Variants in RNF19B observed in about 807,000 individuals in gnomAD.
RNF19B encodes ring finger protein 19B.
A neutral mutation model predicts 65.5 loss-of-function variants in RNF19B; 23 were observed. That is an observed-to-expected ratio of 0.35 (90% CI 0.25 to 0.50). The LOEUF is 0.50. RNF19B is among the 20% of genes least tolerant of loss of function. RNF19B has a pLI of 0.98. For missense variants in RNF19B, 794 were observed against 980.0 expected (o/e 0.81, Z 2.53); for synonymous variants, 372 against 379.6 (o/e 0.98, Z 0.23).
At chr1:32,956,479 G>A (rs938250995) in intron 1 of RNF19B, among the ~76,000 whole-genome samples, 1 of 151,498 alleles carries the variant, frequency 6.6e-6, no homozygotes, top group Non-Finnish European at 1.5e-5. Context: ...GAGGTGGGAG[G>A]ATCACCTGAG....
chr1:32,944,301 A>T, intron 5 of RNF19B, 142 bp from the exon 6 acceptor site: 1 of 833,234 alleles, frequency 1.2e-6, no homozygotes, highest in Non-Finnish European at 1.9e-6. Context: ...GGCCTGGTGT[A>T]ACAGAATGAT....
In RNF19B at chr1:32,936,640, TG is replaced by T; in HGVS notation, c.*165del. On this transcript the variant is annotated 3_prime_UTR_variant, in exon 9 of 9. Coordinates refer to ENST00000235150, the MANE Select transcript of RNF19B (RefSeq NM_001300826.2). ...AACGGCAAACTTTTCATGTTTTATC[TG>T]GTAAGAAATTGTGAATTTCTCAGAA... 1.4e-6 allele frequency: 1 copy of T among 690,934 alleles called. No homozygotes were observed. The highest frequency in any genetic ancestry group is 2.2e-6 in the Non-Finnish European group (1 of 448,586). The allele number at this position is 690,934 out of a possible 1,614,324, so 42.8% of individuals were successfully genotyped here. A position where few individuals can be genotyped will look rare whatever the true frequency, so the allele number is the denominator to read the frequency against.
In RNF19B at chr1:32,944,166, G is replaced by C. The variant is rs770585952; in HGVS notation, c.1262-7C>G. The C allele has an allele frequency of 1.2e-6, 2 of 1,606,832 alleles. No individual in the cohort carries two copies. The highest frequency in any genetic ancestry group is 1.7e-5 in the Admixed American group (1 of 58,392). On this transcript the variant is annotated splice_region_variant and splice_polypyrimidine_tract_variant and intron_variant, in intron 5 of 8. Transcript: ENST00000235150. ...ATAATGGGGACACCAATACCTGGGGGAAGAGAAGGAAACATGTCAGCTGGC... is the reference window on the plus strand; with the variant it reads ...ATAATGGGGACACCAATACCTGGGGCAAGAGAAGGAAACATGTCAGCTGGC...
intron 7 of RNF19B, among the ~76,000 whole-genome samples, chr1:32,940,690 A>G (rs1169876350): frequency 6.6e-6 from 1 of 152,106 alleles, no homozygotes; most frequent in Non-Finnish European, 1.5e-5. Flanking sequence ...CTACCTTCCT[A>G]TCCTGCTTTG....
intron 7 of RNF19B, among the ~76,000 whole-genome samples, chr1:32,940,066 C>T (rs1281991804): frequency 3.3e-5 from 5 of 152,210 alleles, no homozygotes; most frequent in Non-Finnish European, 7.3e-5. Context: ...GCTCCAGCTT[C>T]AGGTGCCCTT....
chr1:32,957,195 T>C (rs1226140354), intron 1 of RNF19B, among the ~76,000 whole-genome samples: 2 of 152,162 alleles, frequency 1.3e-5, no homozygotes, highest in Non-Finnish European at 2.9e-5. Context: ...TTCCCAGGTA[T>C]GGGGTCTTGC....
At position 32,942,868 on chromosome 1, in the gene RNF19B, C is replaced by T. The variant is rs193124088; in HGVS notation, c.1403-409G>A. ...GAAAGCTAGAAAAACCGGCCGGGCG[C>T]GGTGGCTCACGCCTGTACTTCCAGC... is the stretch of plus-strand genomic sequence containing the variant. On this transcript the variant is annotated intron_variant, in intron 6 of 8. Transcript: ENST00000235150. Among the ~76,000 whole-genome samples the T allele has an allele frequency of 3.4e-3, 512 of 152,106 alleles. 3 individuals are homozygous for T. Among genetic ancestry groups the T allele is most frequent in the African/African-American group, 0.011 (466 of 41,480 alleles).
intron 3 of RNF19B, 74 bp from the exon 4 acceptor site, chr1:32,946,638 G>C: frequency 7.7e-7 from 1 of 1,296,920 alleles, no homozygotes; most frequent in Non-Finnish European, 1.1e-6. Context: ...CTTGATAACA[G>C]CAACAGCCTT....
chr1:32,957,528 T>C (rs1036722813), intron 1 of RNF19B, among the ~76,000 whole-genome samples: 2 of 152,208 alleles, frequency 1.3e-5, no homozygotes, highest in African/African-American at 4.8e-5. Context: ...TTCAACAGTG[T>C]ATCATTCTGA....
At chr1:32,941,518 C>T (rs536846460) in intron 7 of RNF19B, among the ~76,000 whole-genome samples, 6 of 151,930 alleles carry the variant, frequency 3.9e-5, no homozygotes, top group Admixed American at 6.6e-5. Flanking sequence ...CCAGCCTGGG[C>T]GACAGAGCAA....
chr1:32,962,074 C>A (rs779491542), intron 1 of RNF19B, among the ~76,000 whole-genome samples: 2 of 151,974 alleles, frequency 1.3e-5, no homozygotes, highest in South Asian at 2.1e-4. Context: ...CAGGTTCAAG[C>A]GATTCTGCCT....
Position 32,951,484 on chromosome 1 carries a change from A to T in RNF19B, c.636-1710T>A, listed in dbSNP as rs75750899. On this transcript the variant is annotated intron_variant, in intron 1 of 8. Transcript: ENST00000235150. ...ACAGGAGCAGTTGGGGTCCATTTCG[A>T]GCAAAGGAGATGCTGGAGCTCCCAC... is the stretch of plus-strand genomic sequence containing the variant. Among the ~76,000 whole-genome samples the T allele has an allele frequency of 3.3e-3, 498 of 152,294 alleles. 12 individuals are homozygous for T. In the East Asian group the frequency reaches 0.078, roughly 24 times the overall value.
In RNF19B at chr1:32,942,240, CTA is replaced by C; in HGVS notation, c.1610+10_1610+11del. Reference sequence around the variant, plus strand: ...TCTAACCATTTCTGTCAGAAATTATCTATTTGTTTACCTGCTATATTTTCCCT... The same window carrying C: ...TCTAACCATTTCTGTCAGAAATTATCTTTGTTTACCTGCTATATTTTCCCT... On this transcript the variant is annotated intron_variant, in intron 7 of 8. Coordinates refer to ENST00000235150, the MANE Select transcript of RNF19B (RefSeq NM_001300826.2). 6.3e-7 allele frequency: 1 copy of C among 1,590,784 alleles called. No individual in the cohort carries two copies. The highest frequency in any genetic ancestry group is 8.6e-7 in the Non-Finnish European group (1 of 1,161,222).
downstream of RNF19B, among the ~76,000 whole-genome samples, chr1:32,933,551 G>C (rs908817825): frequency 6.6e-6 from 1 of 152,092 alleles, no homozygotes; most frequent in Non-Finnish European, 1.5e-5. Context: ...CACCACGCCC[G>C]GCCAAGCTAT....
intron 1 of RNF19B, among the ~76,000 whole-genome samples, chr1:32,956,848 A>G (rs192498553): frequency 5.9e-5 from 9 of 152,182 alleles, no homozygotes; most frequent in African/African-American, 2.2e-4. Flanking sequence ...GTCATGTAAC[A>G]TAACTAGGCT....
At chr1:32,949,195 T>A (rs1344313865) in intron 2 of RNF19B, among the ~76,000 whole-genome samples, 1 of 152,222 alleles carries the variant, frequency 6.6e-6, no homozygotes, top group South Asian at 2.1e-4. Context: ...GTGAGGCACT[T>A]AAGTCAGCTT....
Position 32,945,637 on chromosome 1 carries a change from A to C in RNF19B, c.1147-9T>G, listed in dbSNP as rs1432554631. The C allele has an allele frequency of 6.5e-7, 1 of 1,546,150 alleles. No individual in the cohort carries two copies. Among genetic ancestry groups the C allele is most frequent in the South Asian group, 1.1e-5 (1 of 89,430 alleles). ...TCATACCTGCTGTGAATCTAAGAAT[A>C]AAAAAAGAAAATCCAGGTCAGCAGG... is the stretch of plus-strand genomic sequence containing the variant. On this transcript the variant is annotated splice_polypyrimidine_tract_variant and intron_variant, in intron 4 of 8. Transcript: ENST00000235150.
At chr1:32,940,170 T>G (rs1642199689) in intron 7 of RNF19B, among the ~76,000 whole-genome samples, 1 of 152,218 alleles carries the variant, frequency 6.6e-6, no homozygotes, top group Non-Finnish European at 1.5e-5. Context: ...TGCCACAGAA[T>G]CACTCTGAGT....
rs140794854 is a variant in RNF19B at position 32,937,127 on chromosome 1, A to G, written c.1875T>C (p.Ser625=). 6.2e-7 allele frequency: 1 copy of G among 1,614,174 alleles called. No individual in the cohort carries two copies. Among genetic ancestry groups the G allele is most frequent in the Non-Finnish European group, 8.5e-7 (1 of 1,180,030 alleles). The change falls in exon 9 of 9, where the codon AGT becomes AGC. Residue 625 remains serine, a synonymous_variant. Coordinates refer to ENST00000235150, the MANE Select transcript of RNF19B (RefSeq NM_001300826.2). The part of the protein sequence containing the change: ...AQMAENEEEG[S]GGGGSEEDPP... ...GATCCTCTTCACTGCCTCCGCCACCACTACCTTCTTCTTCATTCTCTGCCA... is the reference window on the plus strand; with the variant it reads ...GATCCTCTTCACTGCCTCCGCCACCGCTACCTTCTTCTTCATTCTCTGCCA...
Sources: allele counts gnomAD v4.1 joint callset (sites outside exome capture counted in the v4.1 genomes callset), GRCh38; gene constraint gnomAD v4.1.1; transcripts MANE v1.5; gene names NCBI Gene and HGNC (gene_info 2026-07-23, HGNC 2026-07-21).